The following GULP1 variants were observed in gnomAD, a reference collection of about 807,000 sequenced individuals.
GULP1 encodes the protein PTB domain-containing engulfment adapter protein 1.
GULP1 carries 19 observed loss-of-function variants against 40.9 expected under a neutral mutation model. That is an observed-to-expected ratio of 0.46 (90% CI 0.32 to 0.68). The LOEUF (loss-of-function observed/expected upper bound fraction) is 0.68, where lower values mean the gene tolerates loss of function less well. Ranked by LOEUF, GULP1 falls within the 30% of genes least tolerant of loss-of-function variation. The pLI, the probability that GULP1 is intolerant of heterozygous loss-of-function variation, is 0.03. For missense variants in GULP1, 312 were observed against 362.2 expected (o/e 0.86, Z 1.12); for synonymous variants, 119 against 117.6 (o/e 1.01, Z -0.08).
intron 4 of GULP1, among the ~76,000 whole-genome samples, chr2:188,494,387 T>C (rs2062701251): frequency 6.6e-6 from 1 of 152,020 alleles, no homozygotes; most frequent in South Asian, 2.1e-4. Context: ...AGCGGATTTT[T>C]TCCCTAATCT....
intron 6 of GULP1, among the ~76,000 whole-genome samples, chr2:188,534,985 C>T (rs1688538961): frequency 6.6e-6 from 1 of 151,162 alleles, no homozygotes; most frequent in Non-Finnish European, 1.5e-5. Context: ...TCTCGATTTC[C>T]TATTATTAAG....
intron 9 of GULP1, among the ~76,000 whole-genome samples, chr2:188,579,957 T>C (rs1700924390): frequency 6.6e-6 from 1 of 152,164 alleles, no homozygotes. Flanking sequence ...CTAGATAATA[T>C]CAAGGACAAC....
intron 6 of GULP1, among the ~76,000 whole-genome samples, chr2:188,538,028 A>G (rs1365073429): frequency 6.6e-6 from 1 of 152,048 alleles, no homozygotes; most frequent in Non-Finnish European, 1.5e-5. Context: ...GATCAGTTGT[A>G]ATACCACCTT....
intron 4 of GULP1, among the ~76,000 whole-genome samples, chr2:188,514,020 G>A (rs2064894425): frequency 7.4e-6 from 1 of 135,924 alleles, no homozygotes; most frequent in African/African-American, 2.6e-5. Context: ...TAACTGATCT[G>A]TCTAAATGGT....
chr2:188,547,470 G>A (rs1692269905), intron 7 of GULP1, among the ~76,000 whole-genome samples: 1 of 152,116 alleles, frequency 6.6e-6, no homozygotes. Context: ...TAGTCCCAAA[G>A]CTGAAAAACT....
intron 1 of GULP1, among the ~76,000 whole-genome samples, chr2:188,324,897 C>T (rs978114276): frequency 6.6e-6 from 1 of 151,902 alleles, no homozygotes; most frequent in Admixed American, 6.6e-5. Flanking sequence ...AGTATCAAAA[C>T]ACAGAAGTCA....
chr2:188,460,186 C>T (rs1406745431), intron 2 of GULP1, among the ~76,000 whole-genome samples: 1 of 151,908 alleles, frequency 6.6e-6, no homozygotes, highest in Non-Finnish European at 1.5e-5. Context: ...TGAAGAATGT[C>T]GTTGGTATTT....
At chr2:188,461,595 T>C (rs1483094653) in intron 2 of GULP1, among the ~76,000 whole-genome samples, 3 of 152,004 alleles carry the variant, frequency 2.0e-5, no homozygotes, top group African/African-American at 7.2e-5. Flanking sequence ...TGAACCACCG[T>C]GACTGGCCCT....
chr2:188,448,412 A>ATATTT (rs1396832276), intron 2 of GULP1, among the ~76,000 whole-genome samples: 3 of 152,210 alleles, frequency 2.0e-5, no homozygotes, highest in Non-Finnish European at 2.9e-5. Flanking sequence ...AGTAAAATAA[A>ATATTT]TATTTTACTT....
intron 4 of GULP1, among the ~76,000 whole-genome samples, chr2:188,506,778 A>G (rs1037403059): frequency 5.9e-5 from 9 of 152,146 alleles, no homozygotes; most frequent in South Asian, 2.1e-4. Flanking sequence ...GACAATAACA[A>G]TTTACAAAAG....
intron 10 of GULP1, among the ~76,000 whole-genome samples, chr2:188,584,798 T>G (rs933715645): frequency 1.6e-4 from 25 of 152,188 alleles, no homozygotes; most frequent in African/African-American, 5.8e-4. Flanking sequence ...ATAGGGTTTA[T>G]GGACTTTTTT....
intron 4 of GULP1, among the ~76,000 whole-genome samples, chr2:188,490,188 A>C (rs555368370): frequency 6.6e-6 from 1 of 152,156 alleles, no homozygotes; most frequent in East Asian, 1.9e-4. Context: ...CATTATTCAA[A>C]CTCGGTTATT....
intron 1 of GULP1, among the ~76,000 whole-genome samples, chr2:188,376,371 C>T (rs12615395): frequency 0.01 from 1,593 of 152,146 alleles, 23 homozygotes; most frequent in African/African-American, 0.036. Context: ...ATTTAAATTA[C>T]GTTATTTTAT....
At chr2:188,491,771 A>G (rs375364464) in intron 4 of GULP1, among the ~76,000 whole-genome samples, 5 of 152,126 alleles carry the variant, frequency 3.3e-5, no homozygotes, top group African/African-American at 1.2e-4. Context: ...ATAATGTCTC[A>G]GCCCTTAGGC....
At chr2:188,311,386 G>A (rs1243082770) in intron 1 of GULP1, among the ~76,000 whole-genome samples, 1 of 151,984 alleles carries the variant, frequency 6.6e-6, no homozygotes, top group African/African-American at 2.4e-5. Context: ...TAGTAGAGAC[G>A]GGGTTTCACC....
At chr2:188,484,550 A>G (rs1193265418) in intron 4 of GULP1, among the ~76,000 whole-genome samples, 2 of 152,310 alleles carry the variant, frequency 1.3e-5, no homozygotes, top group Admixed American at 6.5e-5. Context: ...AAACTATAAT[A>G]TCTTTATAAG....
At chr2:188,383,137 G>A (rs936651999) in intron 1 of GULP1, among the ~76,000 whole-genome samples, 1 of 152,006 alleles carries the variant, frequency 6.6e-6, no homozygotes, top group African/African-American at 2.4e-5. Context: ...TTATGTCAGC[G>A]GTACATTCGA....
intron 6 of GULP1, among the ~76,000 whole-genome samples, chr2:188,535,503 G>A (rs1395995065): frequency 6.6e-6 from 1 of 151,486 alleles, no homozygotes; most frequent in Non-Finnish European, 1.5e-5. Flanking sequence ...TCCATTTTCT[G>A]GAAAGGACAT....
chr2:188,533,162 A>C (rs1303090406), intron 6 of GULP1, among the ~76,000 whole-genome samples: 3 of 152,146 alleles, frequency 2.0e-5, no homozygotes, highest in Admixed American at 6.6e-5. Flanking sequence ...TTAACTTTAA[A>C]TATTTGTAAA....
Sources: allele counts gnomAD v4.1 joint callset (sites outside exome capture counted in the v4.1 genomes callset), GRCh38; gene constraint gnomAD v4.1.1; transcripts MANE v1.5; gene names NCBI Gene and HGNC (gene_info 2026-07-23, HGNC 2026-07-21).